Variants in SLC2A11 observed in about 807,000 individuals in gnomAD.
SLC2A11 encodes the protein solute carrier family 2 member 11, also known as solute carrier family 2, facilitated glucose transporter member 11.
Under a neutral mutation model 52.1 loss-of-function variants are expected in SLC2A11, and 43 were observed. The observed-to-expected ratio is 0.82, with a 90% confidence interval of 0.65 to 1.06. The LOEUF is 1.06. Ranked by LOEUF, SLC2A11 falls within the 50% of genes least tolerant of loss-of-function variation. SLC2A11 has a pLI of 0.00. For synonymous variants in SLC2A11, 261 were observed against 277.6 expected, an observed-to-expected ratio of 0.94 and a Z score of 0.59; for missense variants, 582 against 654.2, an observed-to-expected ratio of 0.89 and a Z score of 1.20.
chr22:23,868,099 C>G (rs2032328913), intron 2 of SLC2A11: 2 of 302,996 alleles, frequency 6.6e-6, no homozygotes, highest in African/African-American at 4.3e-5. Context: ...TGGATAGTGT[C>G]AGAATGGGAT....
At chr22:23,858,386 T>G (rs1328177537) in intron 1 of SLC2A11, among the ~76,000 whole-genome samples, 1 of 149,578 alleles carries the variant, frequency 6.7e-6, no homozygotes, top group Non-Finnish European at 1.5e-5. Flanking sequence ...GCCTCTTTCC[T>G]CCTCATGCTC....
intron 3 of SLC2A11, chr22:23,870,228 G>C (rs1462215304): frequency 2.9e-5 from 17 of 578,192 alleles, no homozygotes; most frequent in Middle Eastern, 2.8e-4. Flanking sequence ...GCTATCTCAT[G>C]ATACCTGGTA....
chr22:23,879,112 G>C (rs773445391), intron 6 of SLC2A11, among the ~76,000 whole-genome samples: 1 of 152,094 alleles, frequency 6.6e-6, no homozygotes, highest in Non-Finnish European at 1.5e-5. Context: ...CCCCTATGAA[G>C]GGCACCCCAG....
At chr22:23,864,192 C>A (rs999106822) in intron 2 of SLC2A11, among the ~76,000 whole-genome samples, 10 of 152,102 alleles carry the variant, frequency 6.6e-5, no homozygotes, top group African/African-American at 2.4e-4. Flanking sequence ...ATCGAGAGAA[C>A]TTCCTCCAAA....
At chr22:23,862,639 T>TC (rs2032113327) in intron 2 of SLC2A11, among the ~76,000 whole-genome samples, 1 of 152,040 alleles carries the variant, frequency 6.6e-6, no homozygotes, top group African/African-American at 2.4e-5. Flanking sequence ...TTTTTTTTTT[T>TC]CGAGATGGAG....
rs1003667344 is a variant in SLC2A11 at position 23,884,100 on chromosome 22, G to T, written c.1171+76G>T. The stretch of plus-strand genomic sequence containing the variant: ...ATGGGTGCCTGGGTGCACAGTGGGT[G>T]GGTGTGAATGCAATGTCCCCTGCAG... On this transcript the variant is annotated intron_variant, in intron 10 of 11. Coordinates refer to ENST00000316185, the MANE Select transcript of SLC2A11 (RefSeq NM_001024939.4). This position sits in a 1 kb window ranked among gnomAD's most constrained non-coding sequence, Gnocchi z 4.3. 4.0e-5 allele frequency: 62 copies of T among 1,562,686 alleles called. No homozygotes were observed. Among genetic ancestry groups the T allele is most frequent in the Non-Finnish European group, 5.0e-5 (58 of 1,153,968 alleles).
Position 23,877,191 on chromosome 22 carries a change from A to G in SLC2A11, c.545+20A>G, listed in dbSNP as rs762689735. On this transcript the variant is annotated intron_variant, in intron 5 of 11. Transcript: ENST00000316185. ...ACTCAGGTAAGCACCCCTCCCCCAC[A>G]TGCATTGAGTATTTCGGAGATACCA... 1.2e-6 allele frequency: 2 copies of G among 1,600,218 alleles called. No individual in the cohort carries two copies. The highest frequency in any genetic ancestry group is 2.2e-5 in the South Asian group (2 of 89,364).
At chr22:23,861,973 T>C in intron 1 of SLC2A11, 131 bp from the exon 2 acceptor site, 1 of 783,656 alleles carries the variant, frequency 1.3e-6, no homozygotes, top group Non-Finnish European at 2.2e-6. Context: ...TGTGCCTCAC[T>C]TTCCTCATCT....
chr22:23,884,844 C>T lies in SLC2A11; in HGVS notation c.1495C>T (p.Leu499Phe). The T allele has an allele frequency of 6.2e-7, 1 of 1,614,060 alleles. No homozygotes were observed. The highest frequency in any genetic ancestry group is 8.5e-7 in the Non-Finnish European group (1 of 1,179,958). The change falls in exon 12 of 12, where the codon CTC becomes TTC. Residue 499 changes from leucine (L) to phenylalanine (F), a missense_variant. Transcript: ENST00000316185. The surrounding 1 kb of genome is among the most constrained non-coding windows in gnomAD (Gnocchi z 4.3). ...RSLEVIQSTE[L>F] ...CCTGGAGGTTATCCAGTCAACAGAACTCTAGTCCCAAAGGGGTGGCCAGAG... is the reference window on the plus strand; with the variant it reads ...CCTGGAGGTTATCCAGTCAACAGAATTCTAGTCCCAAAGGGGTGGCCAGAG...
rs73398583 is a variant in SLC2A11 at position 23,867,907 on chromosome 22, A to G, written c.130-574A>G. The G allele has an allele frequency of 3.0e-3, 1,049 of 351,498 alleles. 16 individuals carry two copies. The highest frequency in any genetic ancestry group is 0.02 in the African/African-American group (955 of 46,648). The allele number at this position is 351,498 out of a possible 1,614,324, so 21.8% of individuals were successfully genotyped here. On this transcript the variant is annotated intron_variant, in intron 2 of 11. Coordinates refer to ENST00000316185, the MANE Select transcript of SLC2A11 (RefSeq NM_001024939.4). ...CATAACAAACCAGTAAATGTAAGTA[A>G]AGGGCCTTCCTGAGTTTCGTGAGCC...
intron 2 of SLC2A11, among the ~76,000 whole-genome samples, chr22:23,863,566 C>T (rs1251190014): frequency 1.4e-5 from 2 of 147,218 alleles, no homozygotes; most frequent in Non-Finnish European, 3.0e-5. Context: ...GGCCCCAGGA[C>T]AGAACTGTGG....
chr22:23,877,373 C>A, intron 5 of SLC2A11: 2 of 927,782 alleles, frequency 2.2e-6, no homozygotes, highest in Non-Finnish European at 3.5e-6. Context: ...CACCTTTTCC[C>A]ATCCTCTCCA....
intron 2 of SLC2A11, chr22:23,862,421 C>T: frequency 3.8e-6 from 2 of 528,246 alleles, no homozygotes; most frequent in South Asian, 5.3e-5. Context: ...CAGATGACTC[C>T]ATCTTCCACC....
upstream of SLC2A11, chr22:23,857,084 G>GT: frequency 8.8e-7 from 1 of 1,137,570 alleles, no homozygotes. Flanking sequence ...GGGGGGGGGG[G>GT]GGTGTAGGTG....
At chr22:23,857,580 C>T (rs771957535), upstream of SLC2A11, 3 of 1,478,432 alleles carry the variant, frequency 2.0e-6, no homozygotes, top group Non-Finnish European at 2.8e-6. Flanking sequence ...ACCCCAAACC[C>T]CCCCCCCGCG....
At chr22:23,856,952 C>T (rs2031847278), upstream of SLC2A11, 1 of 1,610,756 alleles carries the variant, frequency 6.2e-7, no homozygotes, top group Admixed American at 1.7e-5. Flanking sequence ...AAGTCTCTCG[C>T]TCTGCCCAGG....
intron 1 of SLC2A11, among the ~76,000 whole-genome samples, chr22:23,860,806 C>T (rs925602158): frequency 6.6e-6 from 1 of 150,664 alleles, no homozygotes; most frequent in Non-Finnish European, 1.5e-5. Context: ...CTCAGCCTCC[C>T]GAGTAGCTGG....
Position 23,882,866 on chromosome 22 carries a change from T to TA in SLC2A11, c.991dup (p.Ser331LysfsTer73). Reference sequence around the variant, plus strand: ...GCTGCGAGCTGCTCACGGCGGTTGTTAGTGTGAGTCTGGAGGGTGCCCTTC... The same window carrying TA: ...GCTGCGAGCTGCTCACGGCGGTTGTTAAGTGTGAGTCTGGAGGGTGCCCTTC... On this transcript the variant is annotated frameshift_variant, in exon 8 of 12. Transcript: ENST00000316185. LOFTEE classifies it high-confidence loss of function. The TA allele has an allele frequency of 1.2e-6, 2 of 1,600,976 alleles. No homozygotes were observed. Among genetic ancestry groups the TA allele is most frequent in the Non-Finnish European group, 1.7e-6 (2 of 1,169,916 alleles).
At chr22:23,883,396 A>C in intron 8 of SLC2A11, 1 of 326,880 alleles carries the variant, frequency 3.1e-6, no homozygotes. Context: ...ACTTGAGCCT[A>C]GGAGGTTGAG....
Sources: allele counts gnomAD v4.1 joint callset (sites outside exome capture counted in the v4.1 genomes callset), GRCh38; gene constraint gnomAD v4.1.1; non-coding constraint Gnocchi (gnomAD v3.1); transcripts MANE v1.5; gene names NCBI Gene and HGNC (gene_info 2026-07-23, HGNC 2026-07-21).